Variants in LRRC1 observed in about 807,000 individuals in gnomAD.
LRRC1 encodes the protein leucine rich repeat containing 1, also known as leucine-rich repeat-containing protein 1.
In LRRC1, 28 loss-of-function variants were observed where a neutral mutation model predicts 69.9. That is an observed-to-expected ratio of 0.40 (90% CI 0.30 to 0.55). The LOEUF is 0.55. Ranked by LOEUF, LRRC1 falls within the 20% of genes least tolerant of loss-of-function variation. The pLI, the probability that LRRC1 is intolerant of heterozygous loss-of-function variation, is 0.47. For missense variants in LRRC1, 498 were observed against 609.0 expected (o/e 0.82, Z 1.92); for synonymous variants, 236 against 240.2 (o/e 0.98, Z 0.16).
intron 2 of LRRC1, among the ~76,000 whole-genome samples, chr6:53,874,753 TC>T (rs1286182762): frequency 6.6e-6 from 1 of 152,200 alleles, no homozygotes; most frequent in Non-Finnish European, 1.5e-5. Flanking sequence ...GAGAAATCTT[TC>T]TATTTTAGCC....
chr6:53,858,607 G>A (rs562803259), intron 2 of LRRC1, among the ~76,000 whole-genome samples: 1 of 152,284 alleles, frequency 6.6e-6, no homozygotes, highest in South Asian at 2.1e-4. Context: ...TGATTTTTTA[G>A]GCTTTGCCCT....
At chr6:53,883,279 A>G (rs1320211606) in intron 4 of LRRC1, among the ~76,000 whole-genome samples, 2 of 152,146 alleles carry the variant, frequency 1.3e-5, no homozygotes, top group Non-Finnish European at 2.9e-5. Context: ...ACTATGTGTC[A>G]TGTAGGTGGT....
At chr6:53,903,293 G>T (rs373354005) in intron 9 of LRRC1, among the ~76,000 whole-genome samples, 2 of 151,970 alleles carry the variant, frequency 1.3e-5, no homozygotes, top group African/African-American at 4.8e-5. Context: ...GACTGGAGGG[G>T]TCCTCTACCT....
chr6:53,916,794 C>T (rs1264147496), intron 11 of LRRC1, among the ~76,000 whole-genome samples: 1 of 152,072 alleles, frequency 6.6e-6, no homozygotes, highest in Non-Finnish European at 1.5e-5. Context: ...ATCAGTAGGC[C>T]ATGCTTAGAT....
chr6:53,876,307 C>T (rs566911653), intron 2 of LRRC1, among the ~76,000 whole-genome samples: 4 of 151,738 alleles, frequency 2.6e-5, no homozygotes, highest in East Asian at 1.9e-4. Flanking sequence ...TACCTCCTAC[C>T]GGGTCCCTCC....
At chr6:53,908,808 G>GACAAAAAGAAACTTCC (rs1768320038) in intron 10 of LRRC1, among the ~76,000 whole-genome samples, 1 of 152,048 alleles carries the variant, frequency 6.6e-6, no homozygotes, top group African/African-American at 2.4e-5. Context: ...TAGAGAAGTA[G>GACAAAAAGAAACTTCC]ACAAAAAGAA....
Position 53,919,577 on chromosome 6 carries a change from C to T in LRRC1, c.1186C>T (p.Leu396Phe), listed in dbSNP as rs1244835508. Residue 396 changes from leucine to phenylalanine, a missense_variant, in exon 12 of 14, where the codon CTT becomes TTT. By Grantham distance (22) the Leu-to-Phe change is conservative (BLOSUM62 0). Around this residue, in one of 3 missense-constraint regions of LRRC1, gnomAD observed 162 missense variants for 162.9 expected, o/e 0.99. Coordinates refer to ENST00000370888, the MANE Select transcript of LRRC1 (RefSeq NM_018214.5). ...WLSDNQSQPL[L>F]TFQTDTDYTT... ...ATCTGACAACCAGTCCCAGCCCCTG[C>T]TTACATTCCAGACAGACACAGACTA... 13 of 1,613,654 alleles carry T rather than the reference C, an allele frequency of 8.1e-6. No homozygotes were observed. Among genetic ancestry groups the T allele is most frequent in the Non-Finnish European group, 1.1e-5 (13 of 1,179,934 alleles).
rs372849124 is a variant in LRRC1 at position 53,922,838 on chromosome 6, G to C, written c.*45G>C. On this transcript the variant is annotated 3_prime_UTR_variant, in exon 14 of 14. Coordinates refer to ENST00000370888, the MANE Select transcript of LRRC1 (RefSeq NM_018214.5). The stretch of plus-strand genomic sequence containing the variant: ...ACCTCCTGTGTCTTCCTCTGCTGTC[G>C]AGACGTTCCTGTCTGCTTCCCGGGA... 1.4e-5 allele frequency: 22 copies of C among 1,584,230 alleles called. 1 individual carries two copies. The highest frequency in any genetic ancestry group is 2.6e-6 in the Non-Finnish European group (3 of 1,160,750).
At chr6:53,899,701 G>GT in intron 7 of LRRC1, 46 bp from the exon 8 acceptor site, 1 of 1,593,938 alleles carries the variant, frequency 6.3e-7, no homozygotes, top group Non-Finnish European at 8.6e-7. Flanking sequence ...CCTCTGCACT[G>GT]TGGCAGGTTT....
chr6:53,808,790 G>A (rs565073794), intron 1 of LRRC1, among the ~76,000 whole-genome samples: 398 of 152,210 alleles, frequency 2.6e-3, no homozygotes, highest in African/African-American at 9.1e-3. Context: ...CTGTGAAGGG[G>A]AACAGAGAGA....
At chr6:53,857,087 T>A (rs555683969) in intron 2 of LRRC1, among the ~76,000 whole-genome samples, 1 of 152,056 alleles carries the variant, frequency 6.6e-6, no homozygotes, top group African/African-American at 2.4e-5. Flanking sequence ...ATGGAGCTGT[T>A]CAGTAGGCAG....
chr6:53,844,804 G>T (rs907128515), intron 2 of LRRC1, among the ~76,000 whole-genome samples: 2 of 152,162 alleles, frequency 1.3e-5, no homozygotes, highest in Non-Finnish European at 2.9e-5. Context: ...TTCCCTTCTT[G>T]ACAGGGCCTG....
intron 8 of LRRC1, 90 bp from the exon 9 acceptor site, chr6:53,902,539 A>G: frequency 2.7e-6 from 2 of 741,362 alleles, no homozygotes; most frequent in Non-Finnish European, 4.3e-6. Flanking sequence ...TTTAAAACAA[A>G]AAGAACAGCA....
intron 1 of LRRC1, among the ~76,000 whole-genome samples, chr6:53,824,358 G>A (rs1765200137): frequency 6.6e-6 from 1 of 151,036 alleles, no homozygotes; most frequent in Non-Finnish European, 1.5e-5. Context: ...TTGTTGATTT[G>A]TTTACACTCC....
intron 2 of LRRC1, among the ~76,000 whole-genome samples, chr6:53,865,682 AATATT>A (rs1766679246): frequency 6.6e-6 from 1 of 151,540 alleles, no homozygotes; most frequent in Non-Finnish European, 1.5e-5. Context: ...TTTTAAATCT[AATATT>A]AGATACTAAT....
At chr6:53,869,634 A>T (rs1766817925) in intron 2 of LRRC1, among the ~76,000 whole-genome samples, 1 of 152,324 alleles carries the variant, frequency 6.6e-6, no homozygotes, top group South Asian at 2.1e-4. Context: ...GACTGCGTAC[A>T]ATATGCTTGA....
intron 12 of LRRC1, 86 bp from the exon 13 acceptor site, chr6:53,920,539 A>C: frequency 2.6e-6 from 4 of 1,517,052 alleles, no homozygotes; most frequent in Non-Finnish European, 3.7e-6. Context: ...CTCCGTATAG[A>C]TTCTACCTTG....
At chr6:53,816,750 G>A (rs1486749801) in intron 1 of LRRC1, among the ~76,000 whole-genome samples, 2 of 152,096 alleles carry the variant, frequency 1.3e-5, no homozygotes, top group Non-Finnish European at 2.9e-5. Context: ...TAAAAAATGT[G>A]CATAACACCT....
chr6:53,813,075 T>G (rs563288161), intron 1 of LRRC1, among the ~76,000 whole-genome samples: 2 of 151,978 alleles, frequency 1.3e-5, no homozygotes, highest in African/African-American at 4.8e-5. Context: ...GAAAAGGTAC[T>G]TGGGATGCTG....
Sources: allele counts gnomAD v4.1 joint callset (sites outside exome capture counted in the v4.1 genomes callset), GRCh38; gene constraint gnomAD v4.1.1; regional missense constraint gnomAD v4.1.1; transcripts MANE v1.5; gene names NCBI Gene and HGNC (gene_info 2026-07-23, HGNC 2026-07-21).